The following GNAO1 variants were observed in gnomAD, a reference collection of about 807,000 sequenced individuals.
The protein encoded by GNAO1 is G protein subunit alpha o1, also known as guanine nucleotide-binding protein G(o) subunit alpha.
For synonymous variants in GNAO1, 164 were observed against 180.7 expected, an observed-to-expected ratio of 0.91 and a Z score of 0.74; for missense variants, 166 against 478.7, an observed-to-expected ratio of 0.35 and a Z score of 6.10.
chr16:56,266,457 C>G (rs1264781648), intron 2 of GNAO1, among the ~76,000 whole-genome samples: 1 of 152,188 alleles, frequency 6.6e-6, no homozygotes, highest in Admixed American at 6.5e-5. Context: ...ACATACACAT[C>G]TTACTTCTGC....
chr16:56,330,640 C>T, intron 4 of GNAO1, among the ~76,000 whole-genome samples: 1 of 152,232 alleles, frequency 6.6e-6, no homozygotes, highest in East Asian at 1.9e-4. Flanking sequence ...TTTACTGCCA[C>T]CCACTCTGGA....
intron 2 of GNAO1, among the ~76,000 whole-genome samples, chr16:56,251,417 CAAG>C (rs2036798709): frequency 1.3e-5 from 2 of 152,234 alleles, no homozygotes; most frequent in South Asian, 2.1e-4. Context: ...AGAGTCAGCT[CAAG>C]GAGTGCAATA....
intron 2 of GNAO1, among the ~76,000 whole-genome samples, chr16:56,236,656 A>G (rs578242750): frequency 6.6e-6 from 1 of 152,306 alleles, no homozygotes; most frequent in East Asian, 1.9e-4. Flanking sequence ...TTTCCAAGCT[A>G]GTCCATGGCT....
At chr16:56,194,095 T>G in intron 2 of GNAO1, 1 of 456,474 alleles carries the variant, frequency 2.2e-6, no homozygotes. Context: ...GGCGCCATGA[T>G]GGTAGGGAGT....
intron 2 of GNAO1, chr16:56,194,626 G>A: frequency 5.3e-6 from 1 of 188,036 alleles, no homozygotes; most frequent in South Asian, 1.1e-4. Context: ...GGAGAGAGCC[G>A]AGCCGCTTCG....
rs147549366 is a variant in GNAO1 at position 56,348,358 on chromosome 16, C to T, written c.724-3026C>T. Among the ~76,000 whole-genome samples, 511 of 152,296 alleles carry T rather than the reference C, an allele frequency of 3.4e-3. 7 individuals carry two copies. Among genetic ancestry groups the T allele is most frequent in the African/African-American group, 0.012 (490 of 41,568 alleles). On this transcript the variant is annotated intron_variant, in intron 6 of 8. Coordinates refer to ENST00000262493, the MANE Select transcript of GNAO1 (RefSeq NM_020988.3). ...GGGACAGAGGATCAGGGCGACTGGG[C>T]GCCCTGCCCCCCTGTCAGGATCGCC...
intron 3 of GNAO1, among the ~76,000 whole-genome samples, chr16:56,325,269 G>T (rs2037619984): frequency 6.6e-6 from 1 of 152,228 alleles, no homozygotes; most frequent in Non-Finnish European, 1.5e-5. Context: ...CTGAGGTTGG[G>T]AGTTCGAGAC....
intron 3 of GNAO1, among the ~76,000 whole-genome samples, chr16:56,298,476 C>T (rs767090956): frequency 1.1e-4 from 16 of 152,174 alleles, no homozygotes; most frequent in Admixed American, 2.0e-4. Flanking sequence ...TGAGACACTC[C>T]GTCATTTCTG....
chr16:56,288,467 C>T (rs796320209), intron 3 of GNAO1, among the ~76,000 whole-genome samples: 1 of 152,222 alleles, frequency 6.6e-6, no homozygotes, highest in South Asian at 2.1e-4. Context: ...AAGACCAGAG[C>T]ACATACTTGG....
chr16:56,242,109 G>T (rs1340192569), intron 2 of GNAO1, among the ~76,000 whole-genome samples: 2 of 152,124 alleles, frequency 1.3e-5, no homozygotes, highest in African/African-American at 4.8e-5. Context: ...AACATGCATT[G>T]GACTCTCACT....
chr16:56,345,963 A>G (rs1265702273), intron 6 of GNAO1: 22 of 985,428 alleles, frequency 2.2e-5, no homozygotes, highest in Non-Finnish European at 2.7e-5. Context: ...CCCTCAGAAC[A>G]CAGTGGCCAG....
At chr16:56,201,720 A>G (rs1169825671) in intron 2 of GNAO1, among the ~76,000 whole-genome samples, 1 of 152,236 alleles carries the variant, frequency 6.6e-6, no homozygotes, top group East Asian at 1.9e-4. Context: ...TTGGAAGAGC[A>G]TTGAGGAGGA....
chr16:56,267,961 C>A (rs2143501409), intron 2 of GNAO1, among the ~76,000 whole-genome samples: 1 of 142,442 alleles, frequency 7.0e-6, no homozygotes, highest in South Asian at 2.5e-4. Flanking sequence ...GTAAAAACAT[C>A]TTTCCATTTT....
chr16:56,300,008 C>CGTGTGTGTGTGT (rs71381116), intron 3 of GNAO1, among the ~76,000 whole-genome samples: 9,803 of 128,904 alleles, frequency 0.076, 397 homozygotes, highest in East Asian at 0.12. Flanking sequence ...GATTGGGGTT[C>CGTGTGTGTGTGT]GTGTGTGTGT....
intron 3 of GNAO1, 75 bp from the exon 4 acceptor site, chr16:56,328,554 AGG>A: frequency 6.9e-7 from 1 of 1,456,524 alleles, no homozygotes; most frequent in South Asian, 1.2e-5. Flanking sequence ...AGTCCCCGCT[AGG>A]GGAGAGCCCT....
intron 2 of GNAO1, among the ~76,000 whole-genome samples, chr16:56,197,916 G>A (rs1437654323): frequency 1.3e-5 from 2 of 152,112 alleles, no homozygotes; most frequent in Non-Finnish European, 1.5e-5. Context: ...TCTGGATACT[G>A]GGACTTGACT....
Position 56,265,432 on chromosome 16 carries a change from C to T in GNAO1, c.162-10499C>T, listed in dbSNP as rs1439588574. ...TATCCAGTGCCTGGAATGAAGAAAG[C>T]ACTTCATAAACAGCTGTTAAAATGA... On this transcript the variant is annotated intron_variant, in intron 2 of 8. Transcript: ENST00000262493. Among the ~76,000 whole-genome samples the T allele has an allele frequency of 6.6e-5, 10 of 152,330 alleles. No homozygotes were observed. The South Asian group carries it at 1.4e-3, about 22-fold the overall frequency.
chr16:56,221,312 G>A (rs1322156999), intron 2 of GNAO1, among the ~76,000 whole-genome samples: 1 of 151,994 alleles, frequency 6.6e-6, no homozygotes, highest in Non-Finnish European at 1.5e-5. Flanking sequence ...AGGCAGTCTG[G>A]GGACCCACCA....
At chr16:56,347,799 C>T (rs1406346011) in intron 6 of GNAO1, 1 of 971,906 alleles carries the variant, frequency 1.0e-6, no homozygotes, top group Non-Finnish European at 1.2e-6. Context: ...CTCCCCTCCC[C>T]TCCACACCTG....
Sources: gnomAD v4.1 joint callset for allele counts (sites outside exome capture counted in the v4.1 genomes callset) on GRCh38, gnomAD v4.1.1 for gene constraint, MANE v1.5 for transcripts, NCBI Gene and HGNC (gene_info 2026-07-23, HGNC 2026-07-21) for gene names.